Variants in SPAG16 observed in about 807,000 individuals in gnomAD.
SPAG16 encodes sperm associated antigen 16.
A neutral mutation model predicts 80.4 loss-of-function variants in SPAG16; 86 were observed. That is an observed-to-expected ratio of 1.07 (90% CI 0.90 to 1.28). SPAG16 has a LOEUF of 1.28. Ranked by LOEUF, SPAG16 falls within the 50% of genes most tolerant of loss-of-function variation. The pLI, the probability that SPAG16 is intolerant of heterozygous loss-of-function variation, is 0.00. For missense variants in SPAG16, 870 were observed against 765.3 expected (o/e 1.14, Z -1.61); for synonymous variants, 294 against 265.9 (o/e 1.11, Z -1.03).
At chr2:213,681,251 C>G (rs1342518977) in intron 10 of SPAG16, among the ~76,000 whole-genome samples, 1 of 152,034 alleles carries the variant, frequency 6.6e-6, no homozygotes, top group Admixed American at 6.6e-5. Flanking sequence ...AATATTTTTT[C>G]CTTGTCTTGT....
chr2:213,572,945 C>T (rs1024403271), intron 10 of SPAG16, among the ~76,000 whole-genome samples: 2 of 152,198 alleles, frequency 1.3e-5, no homozygotes, highest in African/African-American at 4.8e-5. Flanking sequence ...TCATGGTTCG[C>T]CGCTTTTTAA....
At chr2:214,328,704 TTAA>T (rs1171307870) in intron 15 of SPAG16, among the ~76,000 whole-genome samples, 1 of 152,258 alleles carries the variant, frequency 6.6e-6, no homozygotes, top group East Asian at 1.9e-4. Flanking sequence ...AAAGTGTCTA[TTAA>T]TCTGACAATT....
intron 11 of SPAG16, among the ~76,000 whole-genome samples, chr2:213,895,307 A>T (rs1219879450): frequency 6.6e-6 from 1 of 152,038 alleles, no homozygotes; most frequent in African/African-American, 2.4e-5. Flanking sequence ...ATGCTCACGG[A>T]TTGGAAGAAT....
chr2:213,548,806 T>C (rs2076696459), intron 10 of SPAG16, among the ~76,000 whole-genome samples: 1 of 152,150 alleles, frequency 6.6e-6, no homozygotes, highest in Admixed American at 6.5e-5. Context: ...AGTTTGCTTA[T>C]AGTCTATAAT....
intron 15 of SPAG16, among the ~76,000 whole-genome samples, chr2:214,228,852 G>A (rs1054044994): frequency 2.6e-5 from 4 of 151,842 alleles, no homozygotes; most frequent in African/African-American, 9.7e-5. Flanking sequence ...GGAAGATTAT[G>A]ATTAGCTTCT....
At chr2:213,893,730 CA>C (rs1462832483) in intron 11 of SPAG16, among the ~76,000 whole-genome samples, 1 of 151,404 alleles carries the variant, frequency 6.6e-6, no homozygotes, top group African/African-American at 2.4e-5. Context: ...TGACCACATA[CA>C]AAAGCCTATA....
At chr2:213,294,349 A>ATGATCTTTATGAACAGAT (rs2062416958) in intron 1 of SPAG16, among the ~76,000 whole-genome samples, 1 of 152,188 alleles carries the variant, frequency 6.6e-6, no homozygotes, top group Non-Finnish European at 1.5e-5. Context: ...TGCTAGTAGA[A>ATGATCTTTATGAACAGAT]GCCTTATGAT....
At chr2:213,700,967 C>G (rs1289757160) in intron 10 of SPAG16, among the ~76,000 whole-genome samples, 1 of 152,076 alleles carries the variant, frequency 6.6e-6, no homozygotes, top group Admixed American at 6.6e-5. Context: ...GGTGGCCAGG[C>G]ACGGTGGCTC....
intron 11 of SPAG16, among the ~76,000 whole-genome samples, chr2:213,913,301 G>A (rs192650381): frequency 4.0e-5 from 6 of 151,792 alleles, no homozygotes; most frequent in South Asian, 4.2e-4. Context: ...ATGTTATTTC[G>A]ATGATTTTCA....
At chr2:214,235,446 C>T (rs996667388) in intron 15 of SPAG16, among the ~76,000 whole-genome samples, 1 of 152,076 alleles carries the variant, frequency 6.6e-6, no homozygotes, top group Admixed American at 6.6e-5. Flanking sequence ...ATTTAATGTG[C>T]ATTTTCTTCC....
At chr2:213,463,736 A>AT (rs2072515863) in intron 9 of SPAG16, among the ~76,000 whole-genome samples, 1 of 152,280 alleles carries the variant, frequency 6.6e-6, no homozygotes, top group South Asian at 2.1e-4. Context: ...CGGAGCCCTC[A>AT]TGGAGAAACT....
intron 10 of SPAG16, among the ~76,000 whole-genome samples, chr2:213,492,373 AC>A (rs2074283656): frequency 6.6e-6 from 1 of 152,036 alleles, no homozygotes; most frequent in South Asian, 2.1e-4. Context: ...ACACAGTGAA[AC>A]CCTCTCTCTA....
At chr2:213,738,431 A>G (rs1205180809) in intron 10 of SPAG16, among the ~76,000 whole-genome samples, 1 of 152,232 alleles carries the variant, frequency 6.6e-6, no homozygotes, top group Non-Finnish European at 1.5e-5. Context: ...GATTTTCCAC[A>G]TTCCTTAAAA....
chr2:213,587,852 A>G (rs2060525352), intron 10 of SPAG16, among the ~76,000 whole-genome samples: 1 of 152,234 alleles, frequency 6.6e-6, no homozygotes, highest in African/African-American at 2.4e-5. Flanking sequence ...ATGCCACTTT[A>G]TAACACTTTT....
At chr2:213,807,745 G>C (rs549738810) in intron 10 of SPAG16, among the ~76,000 whole-genome samples, 1 of 152,260 alleles carries the variant, frequency 6.6e-6, no homozygotes, top group East Asian at 1.9e-4. Context: ...TATAGTTAAG[G>C]TGTGCCTTAA....
At chr2:213,666,177 T>A (rs1252021467) in intron 10 of SPAG16, among the ~76,000 whole-genome samples, 1 of 152,190 alleles carries the variant, frequency 6.6e-6, no homozygotes, top group Non-Finnish European at 1.5e-5. Context: ...AACTTTGGAA[T>A]ACAAAAATTA....
intron 10 of SPAG16, among the ~76,000 whole-genome samples, chr2:213,541,524 G>A (rs907385192): frequency 1.3e-5 from 2 of 152,158 alleles, no homozygotes; most frequent in African/African-American, 4.8e-5. Context: ...GGAGGCTGAG[G>A]CAAGAGGATA....
rs761931261 is a variant in SPAG16 at position 214,149,188 on chromosome 2, G to A, written c.1642G>A (p.Asp548Asn). The change falls in exon 15 of 16, where the codon GAC becomes AAC. Residue 548 changes from aspartate (D) to asparagine (N), a missense_variant. Coordinates refer to ENST00000331683, the MANE Select transcript of SPAG16 (RefSeq NM_024532.5). Reference sequence around the variant, plus strand: ...TGCCTGTGGGGTTACAAAGCTGTGGGACTTTCGGAAGCTGTTACCAATTGT... The same window carrying A: ...TGCCTGTGGGGTTACAAAGCTGTGGAACTTTCGGAAGCTGTTACCAATTGT... ...CDACGVTKLW[D>N]FRKLLPIVSI... The A allele has an allele frequency of 2.5e-6, 4 of 1,597,598 alleles. No individual in the cohort carries two copies. Among genetic ancestry groups the A allele is most frequent in the African/African-American group, 2.7e-5 (2 of 74,260 alleles).
chr2:214,272,560 T>A (rs1692114164), intron 15 of SPAG16, among the ~76,000 whole-genome samples: 1 of 152,106 alleles, frequency 6.6e-6, no homozygotes, highest in Admixed American at 6.6e-5. Context: ...TCTGTGCTTG[T>A]GTTAGTTTGC....
Sources: gnomAD v4.1 joint callset for allele counts (sites outside exome capture counted in the v4.1 genomes callset) on GRCh38, gnomAD v4.1.1 for gene constraint, MANE v1.5 for transcripts, NCBI Gene and HGNC (gene_info 2026-07-23, HGNC 2026-07-21) for gene names.